The following MEGF6 variants were observed in gnomAD, a reference collection of about 807,000 sequenced individuals.
The protein encoded by MEGF6 is multiple EGF like domains 6, also known as multiple epidermal growth factor-like domains protein 6.
In MEGF6, 184 loss-of-function variants were observed where a neutral mutation model predicts 207.1. The ratio of observed to expected loss-of-function variants is 0.89; its 90% CI spans 0.79 to 1.00. The LOEUF is 1.00. MEGF6 is among the 50% of genes least tolerant of loss of function. The pLI, the probability that MEGF6 is intolerant of heterozygous loss-of-function variation, is 0.00. For synonymous variants in MEGF6, 1,038 were observed against 910.0 expected, an observed-to-expected ratio of 1.14 and a Z score of -2.53; for missense variants, 2,282 against 2,202.9, an observed-to-expected ratio of 1.04 and a Z score of -0.72.
intron 1 of MEGF6, among the ~76,000 whole-genome samples, chr1:3,608,408 G>A (rs986587032): frequency 6.6e-6 from 1 of 152,168 alleles, no homozygotes; most frequent in Non-Finnish European, 1.5e-5. Flanking sequence ...TGGGGTCGGG[G>A]AGCAGGCCTG....
chr1:3,593,264 C>T (rs1218008224), intron 3 of MEGF6, among the ~76,000 whole-genome samples: 1 of 152,164 alleles, frequency 6.6e-6, no homozygotes, highest in Non-Finnish European at 1.5e-5. Context: ...GACCCAGCAG[C>T]CCCTGCCCTC....
chr1:3,494,822 A>C, intron 30 of MEGF6, 81 bp from the exon 31 acceptor site: 1 of 1,455,362 alleles, frequency 6.9e-7, no homozygotes, highest in Non-Finnish European at 9.1e-7. Context: ...ACAGGCTGAC[A>C]GTCACTCGGT....
chr1:3,504,422 C>G (rs1641027807), intron 17 of MEGF6, among the ~76,000 whole-genome samples: 1 of 152,016 alleles, frequency 6.6e-6, no homozygotes, highest in South Asian at 2.1e-4. Flanking sequence ...GACCATCCCG[C>G]TGAGCCTCAG....
the MEGF6 span, among the ~76,000 whole-genome samples, chr1:3,622,776 C>T: frequency 2.6e-5 from 4 of 152,210 alleles, no homozygotes; most frequent in African/African-American, 4.8e-5. Context: ...TGAGGAAACA[C>T]GTTTCTGTTG....
intron 4 of MEGF6, among the ~76,000 whole-genome samples, chr1:3,543,546 G>A (rs182827597): frequency 3.9e-5 from 6 of 152,308 alleles, no homozygotes; most frequent in Non-Finnish European, 5.9e-5. Context: ...TCCCAAACAC[G>A]CAGAGCTGGG....
intron 5 of MEGF6, among the ~76,000 whole-genome samples, chr1:3,517,374 C>T (rs917524416): frequency 2.0e-5 from 3 of 152,172 alleles, no homozygotes; most frequent in South Asian, 2.1e-4. Context: ...CCCACCAGGG[C>T]GGGGGGATCA....
intron 1 of MEGF6, among the ~76,000 whole-genome samples, chr1:3,603,776 G>A (rs771498707): frequency 6.6e-5 from 10 of 152,192 alleles, no homozygotes; most frequent in East Asian, 3.9e-4. Flanking sequence ...CCGCCGCCCC[G>A]TGGGCCGGAC....
intron 4 of MEGF6, among the ~76,000 whole-genome samples, chr1:3,531,689 C>T (rs1642181063): frequency 6.6e-6 from 1 of 152,198 alleles, no homozygotes; most frequent in African/African-American, 2.4e-5. Flanking sequence ...AACATGCACA[C>T]AGGAGGTACA....
At chr1:3,551,465 G>C (rs1167011087) in intron 4 of MEGF6, among the ~76,000 whole-genome samples, 1 of 152,150 alleles carries the variant, frequency 6.6e-6, no homozygotes, top group Non-Finnish European at 1.5e-5. Context: ...ACTCTGGGCA[G>C]TGCCTCCCCT....
Position 3,586,699 on chromosome 1 carries a change from G to A in MEGF6, c.377-6770C>T, listed in dbSNP as rs556531342. ...GAACGGAAAAGGAAAAGCAAATGGC[G>A]GAGGCAGGAAAATGGAGGGCGGCCC... On this transcript the variant is annotated intron_variant, in intron 3 of 36. Transcript: ENST00000356575. 3.9e-5 allele frequency among the ~76,000 whole-genome samples: 6 copies of A among 152,322 alleles called. No individual in the cohort carries two copies. The East Asian group carries it at 5.8e-4, about 15-fold the overall frequency.
chr1:3,551,650 G>C (rs1002499751), intron 4 of MEGF6, among the ~76,000 whole-genome samples: 13 of 152,106 alleles, frequency 8.5e-5, no homozygotes, highest in Non-Finnish European at 1.6e-4. Flanking sequence ...CAGCCACAGG[G>C]GACAGGAGAC....
chr1:3,581,057 T>A (rs749600826), intron 3 of MEGF6, among the ~76,000 whole-genome samples: 51 of 152,050 alleles, frequency 3.4e-4, no homozygotes, highest in Non-Finnish European at 2.1e-4. Context: ...CCAGGGGCTG[T>A]GCCCGGTGGG....
intron 4 of MEGF6, among the ~76,000 whole-genome samples, chr1:3,534,500 A>G (rs528430397): frequency 6.6e-6 from 1 of 152,298 alleles, no homozygotes; most frequent in Admixed American, 6.5e-5. Context: ...TCTGTGCCTC[A>G]GTTTCCCCAT....
At chr1:3,501,705 C>A in intron 18 of MEGF6, 91 bp downstream of exon 18, 1 of 1,492,248 alleles carries the variant, frequency 6.7e-7, no homozygotes, top group Non-Finnish European at 8.9e-7. Flanking sequence ...GCCTGGGATC[C>A]GCAGGGCTGG....
At chr1:3,617,906 G>A in the MEGF6 span, among the ~76,000 whole-genome samples, 92 of 152,290 alleles carry the variant, frequency 6.0e-4, no homozygotes, top group Middle Eastern at 6.8e-3. Context: ...AGGCTGGCCC[G>A]GTCCTCGGTC....
Position 3,560,542 on chromosome 1 carries a change from G to T in MEGF6, c.481+19283C>A, listed in dbSNP as rs1396074365. On this transcript the variant is annotated intron_variant, in intron 4 of 36. Coordinates refer to ENST00000356575, the MANE Select transcript of MEGF6 (RefSeq NM_001409.4). This position sits in a 1 kb window ranked among gnomAD's most constrained non-coding sequence, Gnocchi z 4.0. ...TCCCAGCAGTGTGTGGCCTTGGACTGCTGTCCTCACTCAGCAACTTGCATT... is the reference window on the plus strand; with the variant it reads ...TCCCAGCAGTGTGTGGCCTTGGACTTCTGTCCTCACTCAGCAACTTGCATT... Among the ~76,000 whole-genome samples the T allele has an allele frequency of 1.3e-5, 2 of 152,184 alleles. No homozygotes were observed. Among genetic ancestry groups the T allele is most frequent in the African/African-American group, 4.8e-5 (2 of 41,436 alleles).
In MEGF6 at chr1:3,565,306, C is replaced by A. The variant is rs1368730664; in HGVS notation, c.481+14519G>T. ...TGGGTGAGAAACACACGTGCAGAGCCCATCCCCAGACCCCACTCTGCCCCA... is the reference window on the plus strand; with the variant it reads ...TGGGTGAGAAACACACGTGCAGAGCACATCCCCAGACCCCACTCTGCCCCA... On this transcript the variant is annotated intron_variant, in intron 4 of 36. Transcript: ENST00000356575. The surrounding 1 kb of genome is among the most constrained non-coding windows in gnomAD (Gnocchi z 4.8). Among the ~76,000 whole-genome samples, 1 of 150,360 alleles carries A rather than the reference C, an allele frequency of 6.7e-6. No individual in the cohort carries two copies. The highest frequency in any genetic ancestry group is 1.5e-5 in the Non-Finnish European group (1 of 67,966).
the MEGF6 span, among the ~76,000 whole-genome samples, chr1:3,619,924 A>T: frequency 6.6e-6 from 1 of 152,132 alleles, no homozygotes. Context: ...CTTCCTAGAG[A>T]CTTGTTGAAT....
chr1:3,566,051 CT>C (rs1570150053), intron 4 of MEGF6, among the ~76,000 whole-genome samples: 1 of 152,222 alleles, frequency 6.6e-6, no homozygotes, highest in East Asian at 1.9e-4. Flanking sequence ...ACATTGACCC[CT>C]GAGGCTGACC....
Sources: allele counts gnomAD v4.1 joint callset (sites outside exome capture counted in the v4.1 genomes callset), GRCh38; gene constraint gnomAD v4.1.1; non-coding constraint Gnocchi (gnomAD v3.1); transcripts MANE v1.5; gene names NCBI Gene and HGNC (gene_info 2026-07-23, HGNC 2026-07-21).